MTG2: variants seen among roughly 807,000 people sequenced by gnomAD.
MTG2 encodes the protein mitochondrial ribosome-associated GTPase 2.
Under a neutral mutation model 28.6 loss-of-function variants are expected in MTG2, and 23 were observed. The observed-to-expected ratio is 0.80, with a 90% CI of 0.58 to 1.14. MTG2 has a LOEUF of 1.14. Among genes scored for constraint, MTG2 ranks in the 50% most tolerant of loss-of-function variants. MTG2 has a pLI of 0.00. For synonymous variants in MTG2, 260 were observed against 251.8 expected, an observed-to-expected ratio of 1.03 and a Z score of -0.31; for missense variants, 539 against 552.0, an observed-to-expected ratio of 0.98 and a Z score of 0.24.
At chr20:62,199,712 T>TC (rs1491049095) in intron 6 of MTG2, among the ~76,000 whole-genome samples, 1 of 129,570 alleles carries the variant, frequency 7.7e-6, no homozygotes, top group East Asian at 2.3e-4. Context: ...TTTTTTTTTT[T>TC]GAGACGGAGT....
rs1206843527 is a variant in MTG2, at chr20:62,201,649, C to G, written c.*572C>G. 6.5e-6 allele frequency: 1 copy of G among 153,008 alleles called. No individual in the cohort carries two copies. The highest frequency in any genetic ancestry group is 1.5e-5 in the Non-Finnish European group (1 of 68,720). The allele number at this position is 153,008 out of a possible 1,614,324, so 9.5% of individuals were successfully genotyped here. A position where few individuals can be genotyped will look rare whatever the true frequency, so the allele number is the denominator to read the frequency against. ...AGGGGTGGGGCCGAGGATGCAAGTC[C>G]AGGCAGAGCGGCGCAGGCAGCTGTG... On this transcript the variant is annotated 3_prime_UTR_variant, in exon 7 of 7. Coordinates refer to ENST00000370823, the MANE Select transcript of MTG2 (RefSeq NM_015666.4).
chr20:62,193,362 T>A, intron 1 of MTG2, 54 bp from the exon 2 acceptor site: 1 of 1,560,130 alleles, frequency 6.4e-7, no homozygotes. Context: ...TCAGTTTCTG[T>A]TTCATGCCCA....
rs748544788 is a variant in MTG2 at position 62,201,128 on chromosome 20, G to A, written c.*51G>A. 1.3e-6 allele frequency: 2 copies of A among 1,500,480 alleles called. No individual in the cohort carries two copies. Among genetic ancestry groups the A allele is most frequent in the Non-Finnish European group, 1.8e-6 (2 of 1,132,282 alleles). The allele number at this position is 1,500,480 out of a possible 1,614,324, so 92.9% of individuals were successfully genotyped here. A position where few individuals can be genotyped will look rare whatever the true frequency, so the allele number is the denominator to read the frequency against. ...GGCCTCTGTCTGAGCAAACCTGGGT[G>A]TGAATTCGGTGGTTTTGAATGCATA... is the stretch of plus-strand genomic sequence containing the variant. On this transcript the variant is annotated 3_prime_UTR_variant, in exon 7 of 7. Coordinates refer to ENST00000370823, the MANE Select transcript of MTG2 (RefSeq NM_015666.4).
At position 62,201,047 on chromosome 20, in the gene MTG2, G is replaced by A; in HGVS notation, c.1191G>A (p.Leu397=). The A allele has an allele frequency of 6.3e-7, 1 of 1,599,734 alleles. No homozygotes were observed. Among genetic ancestry groups the A allele is most frequent in the Non-Finnish European group, 8.5e-7 (1 of 1,174,590 alleles). The change falls in exon 7 of 7, where the codon CTG becomes CTA. Residue 397 remains leucine, a synonymous_variant. Transcript: ENST00000370823. ...VLYDAYAEAE[L]GQGRQPLRW is the part of the protein sequence containing the mutation. ...ATGACGCCTACGCGGAGGCCGAGCT[G>A]GGCCAGGGCCGCCAGCCGCTCAGGT...
chr20:62,200,990 G>A lies in MTG2; in HGVS notation c.1134G>A (p.Leu378=), dbSNP rs2058159822. 1 of 1,613,788 alleles carries A rather than the reference G, an allele frequency of 6.2e-7. No individual in the cohort carries two copies. The highest frequency in any genetic ancestry group is 1.7e-5 in the Admixed American group (1 of 60,024). The change falls in exon 7 of 7, where the codon CTG becomes CTA. Residue 378 remains leucine (L), a synonymous_variant. Coordinates refer to ENST00000370823, the MANE Select transcript of MTG2 (RefSeq NM_015666.4). ...IVLSALTGEN[L]EQLLLHLKVL... ...TGTCGGCGTTGACCGGCGAGAACCTGGAGCAGCTGCTGTTGCACCTGAAGG... is the reference window on the plus strand; with the variant it reads ...TGTCGGCGTTGACCGGCGAGAACCTAGAGCAGCTGCTGTTGCACCTGAAGG...
intron 4 of MTG2, chr20:62,198,168 C>G: frequency 1.7e-6 from 1 of 588,602 alleles, no homozygotes; most frequent in East Asian, 2.8e-5. Context: ...GTACCAGGGT[C>G]TCACACCATG....
intron 1 of MTG2, among the ~76,000 whole-genome samples, chr20:62,186,528 GTTTT>G (rs56818308): frequency 0.15 from 19,062 of 126,992 alleles, 1,275 homozygotes; most frequent in South Asian, 0.24. Flanking sequence ...TTTTTTTTTT[GTTTT>G]TTTTTTTTTT....
chr20:62,196,886 G>A (rs1194324077), intron 3 of MTG2, among the ~76,000 whole-genome samples: 2 of 150,836 alleles, frequency 1.3e-5, no homozygotes, highest in African/African-American at 2.4e-5. Context: ...AAAAAAATTA[G>A]CTGGGCGTGG....
Position 62,201,242 on chromosome 20 carries a change from T to G in MTG2, c.*165T>G. The G allele has an allele frequency of 1.2e-6, 1 of 855,204 alleles. No homozygotes were observed. Among genetic ancestry groups the G allele is most frequent in the Non-Finnish European group, 1.7e-6 (1 of 572,712 alleles). 53.0% of individuals were successfully genotyped at this position (855,204 alleles called of 1,614,324 possible). On this transcript the variant is annotated 3_prime_UTR_variant, in exon 7 of 7. Transcript: ENST00000370823. ...TGAGATGCCCTCATGTTGGGAAGCA[T>G]TCCGTGCCCCCTACCCCGCCTGCCC... is the stretch of plus-strand genomic sequence containing the variant.
chr20:62,195,772 G>C (rs997055988), intron 2 of MTG2, 30 bp from the exon 3 acceptor site: 3 of 1,613,378 alleles, frequency 1.9e-6, no homozygotes, highest in African/African-American at 1.3e-5. Context: ...GGAGTGTTGA[G>C]ATGACGTGGG....
intron 3 of MTG2, 122 bp from the exon 4 acceptor site, chr20:62,197,730 C>T: frequency 1.5e-6 from 1 of 688,198 alleles, no homozygotes; most frequent in Non-Finnish European, 2.5e-6. Context: ...GTAACTTCTG[C>T]TGCACCCTCA....
rs528924305 is a variant in MTG2 at position 62,188,179 on chromosome 20, T to C, written c.-6+5122T>C. On this transcript the variant is annotated intron_variant, in intron 1 of 6. Coordinates refer to ENST00000370823, the MANE Select transcript of MTG2 (RefSeq NM_015666.4). ...ATTTTGCATTTCCATTATAATTCAG[T>C]TCAAAACATTTTGTAATTTCTCTTT... Among the ~76,000 whole-genome samples, 6 of 152,230 alleles carry C rather than the reference T, an allele frequency of 3.9e-5. No individual in the cohort carries two copies. The South Asian group carries it at 1.2e-3, about 32-fold the overall frequency.
intron 1 of MTG2, among the ~76,000 whole-genome samples, chr20:62,189,664 CTTTTTT>C (rs34528319): frequency 8.8e-6 from 1 of 113,650 alleles, no homozygotes; most frequent in African/African-American, 3.2e-5. Context: ...TAAACATTAA[CTTTTTT>C]TTTTTTTTTT....
At chr20:62,184,218 C>T (rs551865772) in intron 1 of MTG2, among the ~76,000 whole-genome samples, 10 of 152,208 alleles carry the variant, frequency 6.6e-5, no homozygotes, top group East Asian at 1.9e-4. Flanking sequence ...AGTAGCCGGG[C>T]GTGGTGGCAG....
At chr20:62,187,201 C>CCCTA (rs1267422745) in intron 1 of MTG2, among the ~76,000 whole-genome samples, 1 of 152,112 alleles carries the variant, frequency 6.6e-6, no homozygotes, top group Non-Finnish European at 1.5e-5. Context: ...CTGAGATTAC[C>CCCTA]CCTACTAGGT....
Position 62,193,470 on chromosome 20 carries a change from G to C in MTG2, c.50G>C (p.Gly17Ala). ...GCAAGATTGAGGACCGTGTTTCAGG[G>C]CGTGGGGCATTGGGCTTTGTCCACA... ...FSARLRTVFQ[G>A]VGHWALSTWA... Residue 17 changes from glycine (G) to alanine (A), a missense_variant, in exon 2 of 7, where the codon GGC becomes GCC. Transcript: ENST00000370823. 2 of 1,614,212 alleles carry C rather than the reference G, an allele frequency of 1.2e-6. No individual in the cohort carries two copies. Among genetic ancestry groups the C allele is most frequent in the Non-Finnish European group, 1.7e-6 (2 of 1,180,026 alleles).
At chr20:62,189,147 A>C (rs1388448952) in intron 1 of MTG2, among the ~76,000 whole-genome samples, 1 of 152,080 alleles carries the variant, frequency 6.6e-6, no homozygotes, top group African/African-American at 2.4e-5. Context: ...TCTCTGCAAA[A>C]AAAATTTAAA....
rs964136426 is a variant in MTG2, at chr20:62,195,137, A to G, written c.205-665A>G. 4.6e-5 allele frequency among the ~76,000 whole-genome samples: 7 copies of G among 152,158 alleles called. No homozygotes were observed. In the South Asian group the frequency reaches 6.2e-4, roughly 14 times the overall value. ...CATGAACCTGGGAGGCAGAGCTTGC[A>G]GTGAGCCGAGATCCCACCGTTGCAC... On this transcript the variant is annotated intron_variant, in intron 2 of 6. Coordinates refer to ENST00000370823, the MANE Select transcript of MTG2 (RefSeq NM_015666.4).
rs1601108724 is a variant in MTG2 at position 62,202,094 on chromosome 20, T to G, written c.*1017T>G. The G allele has an allele frequency of 6.6e-6, 1 of 152,456 alleles. No homozygotes were observed. Among genetic ancestry groups the G allele is most frequent in the East Asian group, 1.9e-4 (1 of 5,182 alleles). The allele number at this position is 152,456 out of a possible 1,614,324, so 9.4% of individuals were successfully genotyped here. On this transcript the variant is annotated 3_prime_UTR_variant, in exon 7 of 7. Transcript: ENST00000370823. ...ATGGCAGCTGAGGGGGCCCTGCATT[T>G]GACCGTCGAGACTGCAGCAGCGCCT...
Sources: gnomAD v4.1 joint callset for allele counts (sites outside exome capture counted in the v4.1 genomes callset) on GRCh38, gnomAD v4.1.1 for gene constraint, MANE v1.5 for transcripts, NCBI Gene and HGNC (gene_info 2026-07-23, HGNC 2026-07-21) for gene names.